The following PLEKHF2 variants were observed in gnomAD, a reference collection of about 807,000 sequenced individuals.
PLEKHF2 encodes pleckstrin homology and FYVE domain containing 2.
A neutral mutation model predicts 14.7 loss-of-function variants in PLEKHF2; 4 were observed. The ratio of observed to expected loss-of-function variants is 0.27; its 90% CI spans 0.13 to 0.62. The LOEUF is 0.62. PLEKHF2 is among the 20% of genes least tolerant of loss of function. The pLI, the probability that PLEKHF2 is intolerant of heterozygous loss-of-function variation, is 0.85. For missense variants in PLEKHF2, 201 were observed against 307.7 expected (o/e 0.65, Z 2.60); for synonymous variants, 90 against 103.5 (o/e 0.87, Z 0.79).
At chr8:95,134,145 G>A (rs1311426226) in intron 1 of PLEKHF2, 115 bp downstream of exon 1, 2 of 151,480 alleles carry the variant, frequency 1.3e-5, no homozygotes, top group African/African-American at 4.8e-5. Flanking sequence ...GCCGGGAGGT[G>A]TCGTCGTCGC....
chr8:95,140,180 C>T (rs1810426008), intron 1 of PLEKHF2, among the ~76,000 whole-genome samples: 1 of 152,234 alleles, frequency 6.6e-6, no homozygotes, highest in Admixed American at 6.5e-5. Context: ...TCTCCTAAAA[C>T]AAAGCTAGCA....
intron 1 of PLEKHF2, among the ~76,000 whole-genome samples, chr8:95,150,202 G>A (rs1810541170): frequency 6.6e-6 from 1 of 152,078 alleles, no homozygotes; most frequent in Non-Finnish European, 1.5e-5. Context: ...GTTTGTGTGT[G>A]TGTGCAGGGC....
At position 95,155,156 on chromosome 8, in the gene PLEKHF2, G is replaced by T; in HGVS notation, c.*362G>T. The T allele has an allele frequency of 4.8e-6, 1 of 208,834 alleles. No individual in the cohort carries two copies. Among genetic ancestry groups the T allele is most frequent in the East Asian group, 1.2e-4 (1 of 8,192 alleles). 12.9% of individuals were successfully genotyped at this position (208,834 alleles called of 1,614,324 possible). The stretch of plus-strand genomic sequence containing the variant: ...CTAAAAGCACAGAATGGTGGGAAAG[G>T]GGCTATAATGTGGTTCATTAATAAT... On this transcript the variant is annotated 3_prime_UTR_variant, in exon 2 of 2. Coordinates refer to ENST00000315367, the MANE Select transcript of PLEKHF2 (RefSeq NM_024613.4).
rs1810614713 is a variant in PLEKHF2 at position 95,155,994 on chromosome 8, A to G, written c.*1200A>G. ...TGTATTTGAAATCATTTTGCAATCTATGGAAATAGAGTAGCAATTGCTATT... is the reference window on the plus strand; with the variant it reads ...TGTATTTGAAATCATTTTGCAATCTGTGGAAATAGAGTAGCAATTGCTATT... On this transcript the variant is annotated 3_prime_UTR_variant, in exon 2 of 2. Transcript: ENST00000315367. The G allele has an allele frequency of 6.0e-6, 1 of 167,072 alleles. No individual in the cohort carries two copies. Among genetic ancestry groups the G allele is most frequent in the Non-Finnish European group, 1.5e-5 (1 of 68,092 alleles). The allele number at this position is 167,072 out of a possible 1,614,324, so 10.3% of individuals were successfully genotyped here. A position where few individuals can be genotyped will look rare whatever the true frequency, so the allele number is the denominator to read the frequency against.
chr8:95,146,512 CTTT>C (rs76173940), intron 1 of PLEKHF2, among the ~76,000 whole-genome samples: 1 of 137,040 alleles, frequency 7.3e-6, no homozygotes, highest in Non-Finnish European at 1.6e-5. Flanking sequence ...GATTCTGTGT[CTTT>C]TTTTTTTTTT....
intron 1 of PLEKHF2, among the ~76,000 whole-genome samples, chr8:95,144,411 G>T (rs1810473159): frequency 6.6e-6 from 1 of 152,056 alleles, no homozygotes; most frequent in Admixed American, 6.5e-5. Flanking sequence ...AGTATTTGAA[G>T]AATCATTTTG....
At chr8:95,141,674 T>C (rs942605296) in intron 1 of PLEKHF2, among the ~76,000 whole-genome samples, 1 of 151,562 alleles carries the variant, frequency 6.6e-6, no homozygotes. Flanking sequence ...TACAGGTGCA[T>C]GCCACCACAC....
In PLEKHF2 at chr8:95,154,843, C is replaced by T. The variant is rs374412711; in HGVS notation, c.*49C>T. On this transcript the variant is annotated 3_prime_UTR_variant, in exon 2 of 2. Coordinates refer to ENST00000315367, the MANE Select transcript of PLEKHF2 (RefSeq NM_024613.4). This position sits in a 1 kb window ranked among gnomAD's most constrained non-coding sequence, Gnocchi z 5.6. ...CAGGTGTGGCTATCTGAGAAATCAA[C>T]TTTGGGGGAAATGTAAGATTCTGAG... is the stretch of plus-strand genomic sequence containing the variant. 2.4e-4 allele frequency: 374 copies of T among 1,581,076 alleles called. 2 individuals carry two copies. The highest frequency in any genetic ancestry group is 5.1e-4 in the Middle Eastern group (3 of 5,914).
chr8:95,144,474 G>T (rs980159089), intron 1 of PLEKHF2, among the ~76,000 whole-genome samples: 4 of 151,658 alleles, frequency 2.6e-5, no homozygotes, highest in African/African-American at 4.9e-5. Flanking sequence ...CTCTTATTTT[G>T]TCAGTGGCCA....
intron 1 of PLEKHF2, among the ~76,000 whole-genome samples, chr8:95,143,093 C>CTTTTTTTTTTTTTTTTT (rs35086823): frequency 7.1e-6 from 1 of 141,044 alleles, no homozygotes; most frequent in African/African-American, 2.7e-5. Context: ...AGGAAATAAT[C>CTTTTTTTTTTTTTTTTT]TTTTTTTTTT....
chr8:95,138,945 T>G (rs920419556), intron 1 of PLEKHF2, among the ~76,000 whole-genome samples: 1 of 152,226 alleles, frequency 6.6e-6, no homozygotes, highest in Non-Finnish European at 1.5e-5. Context: ...TGTATAAACT[T>G]TCTAAAGCAT....
intron 1 of PLEKHF2, among the ~76,000 whole-genome samples, chr8:95,151,457 T>C (rs986638847): frequency 1.1e-4 from 16 of 151,970 alleles, no homozygotes; most frequent in African/African-American, 3.9e-4. Context: ...TTACCCCTTC[T>C]TATGTCTGTC....
In PLEKHF2 at chr8:95,156,425, G is replaced by GT. The variant is rs1260179220; in HGVS notation, c.*1637dup. 3 of 166,838 alleles carry GT rather than the reference G, an allele frequency of 1.8e-5. No homozygotes were observed. Among genetic ancestry groups the GT allele is most frequent in the Admixed American group, 6.6e-5 (1 of 15,252 alleles). 10.3% of individuals were successfully genotyped at this position (166,838 alleles called of 1,614,324 possible). On this transcript the variant is annotated 3_prime_UTR_variant, in exon 2 of 2. Transcript: ENST00000315367. ...GAAAGAAAAGCACAACAAAACTAGG[G>GT]TTTTTTGTTCATTTGCTTGCTTTTA...
In PLEKHF2 at chr8:95,149,353, T is replaced by G. The variant is rs899748142; in HGVS notation, c.-14-4678T>G. On this transcript the variant is annotated intron_variant, in intron 1 of 1. Coordinates refer to ENST00000315367, the MANE Select transcript of PLEKHF2 (RefSeq NM_024613.4). ...ACCGGCTTATTTCCTTCATTGTACT[T>G]CATCTTTTGGAATTACCTATTTATT... is the stretch of plus-strand genomic sequence containing the variant. Among the ~76,000 whole-genome samples, 11 of 152,256 alleles carry G rather than the reference T, an allele frequency of 7.2e-5. 2 individuals carry two copies. Among genetic ancestry groups the G allele is most frequent in the East Asian group, 1.9e-4 (1 of 5,174 alleles).
chr8:95,137,629 G>GAT lies in PLEKHF2; in HGVS notation c.-15+3600_-15+3601dup, dbSNP rs1235718437. Among the ~76,000 whole-genome samples, 7 of 152,372 alleles carry GAT rather than the reference G, an allele frequency of 4.6e-5. No individual in the cohort carries two copies. In the South Asian group the frequency reaches 1.4e-3, roughly 32 times the overall value. ...ATGCAGAGGGGTTAGCTGCCAGCCA[G>GAT]ATTCCTATCAGTCAGGCTAGAAAGG... On this transcript the variant is annotated intron_variant, in intron 1 of 1. Coordinates refer to ENST00000315367, the MANE Select transcript of PLEKHF2 (RefSeq NM_024613.4).
At chr8:95,136,007 T>C (rs1176651217) in intron 1 of PLEKHF2, among the ~76,000 whole-genome samples, 1 of 152,156 alleles carries the variant, frequency 6.6e-6, no homozygotes, top group African/African-American at 2.4e-5. Flanking sequence ...CTCATTCCAC[T>C]CCCTTGCCCT....
chr8:95,152,088 A>G (rs1810570697), intron 1 of PLEKHF2, among the ~76,000 whole-genome samples: 1 of 152,112 alleles, frequency 6.6e-6, no homozygotes, highest in South Asian at 2.1e-4. Context: ...AGCACCTTAG[A>G]TGTGATGAAA....
chr8:95,149,837 C>T (rs1161275839), intron 1 of PLEKHF2, among the ~76,000 whole-genome samples: 1 of 152,172 alleles, frequency 6.6e-6, no homozygotes, highest in Non-Finnish European at 1.5e-5. Flanking sequence ...CTCTCTTCTG[C>T]TTCCTCCCCT....
chr8:95,155,078 G>T lies in PLEKHF2; in HGVS notation c.*284G>T, dbSNP rs1810602149. 2.6e-6 allele frequency: 1 copy of T among 387,208 alleles called. No individual in the cohort carries two copies. The highest frequency in any genetic ancestry group is 4.9e-6 in the Non-Finnish European group (1 of 205,228). 24.0% of individuals were successfully genotyped at this position (387,208 alleles called of 1,614,324 possible). On this transcript the variant is annotated 3_prime_UTR_variant, in exon 2 of 2. Transcript: ENST00000315367. ...CTTGGAAGGTTGGGAAAAGATGTTTGTTTTAACAGGTCATGTACTACGTTG... is the reference window on the plus strand; with the variant it reads ...CTTGGAAGGTTGGGAAAAGATGTTTTTTTTAACAGGTCATGTACTACGTTG...
Sources: allele counts gnomAD v4.1 joint callset (sites outside exome capture counted in the v4.1 genomes callset), GRCh38; gene constraint gnomAD v4.1.1; non-coding constraint Gnocchi (gnomAD v3.1); transcripts MANE v1.5; gene names NCBI Gene and HGNC (gene_info 2026-07-23, HGNC 2026-07-21).